The following FHL2 variants were observed in gnomAD, a reference collection of about 807,000 sequenced individuals.
FHL2 encodes the protein four and a half LIM domains protein 2.
FHL2 carries 20 observed loss-of-function variants against 32.7 expected under a neutral mutation model. The observed-to-expected ratio is 0.61, with a 90% CI of 0.43 to 0.89. The LOEUF (loss-of-function observed/expected upper bound fraction) is 0.89, where lower values mean the gene tolerates loss of function less well. FHL2 is among the 40% of genes least tolerant of loss of function. The probability of loss-of-function intolerance (pLI) is 0.00; values close to 1 mark genes in which losing one functional copy is unlikely to be tolerated. For synonymous variants in FHL2, 123 were observed against 128.1 expected, an observed-to-expected ratio of 0.96 and a Z score of 0.27; for missense variants, 311 against 358.6, an observed-to-expected ratio of 0.87 and a Z score of 1.07.
At chr2:105,364,883 T>C (rs1372153305) in intron 5 of FHL2, among the ~76,000 whole-genome samples, 1 of 152,236 alleles carries the variant, frequency 6.6e-6, no homozygotes, top group Non-Finnish European at 1.5e-5. Context: ...ACTAGAATTC[T>C]GGACTCCCTT....
At chr2:105,416,063 A>G (rs947405757) in intron 1 of FHL2, among the ~76,000 whole-genome samples, 74 of 152,058 alleles carry the variant, frequency 4.9e-4, no homozygotes, top group African/African-American at 1.7e-3. Flanking sequence ...AGCCCTATCT[A>G]CTCTTTAATA....
chr2:105,436,039 C>T (rs1324961470), intron 1 of FHL2, among the ~76,000 whole-genome samples: 1 of 151,948 alleles, frequency 6.6e-6, no homozygotes. Flanking sequence ...GATTTTTATT[C>T]CTCTTTTCTC....
chr2:105,399,355 G>A (rs1297173567), upstream of FHL2: 2 of 1,535,972 alleles, frequency 1.3e-6, no homozygotes, highest in Non-Finnish European at 1.7e-6. Flanking sequence ...GCAGGGGTCT[G>A]CCCACGCCGG....
At chr2:105,398,780 G>T (rs888531694) in intron 1 of FHL2, 62 bp downstream of exon 1, 3 of 1,236,870 alleles carry the variant, frequency 2.4e-6, no homozygotes, top group Admixed American at 3.3e-5. Flanking sequence ...GCTTCTCCCC[G>T]CACGGTTCGG....
chr2:105,373,379 T>C (rs887787223), intron 4 of FHL2, among the ~76,000 whole-genome samples, 180 bp downstream of exon 4: 2 of 152,208 alleles, frequency 1.3e-5, no homozygotes, highest in Non-Finnish European at 2.9e-5. Context: ...TTACTGCCCA[T>C]GATAGAACCT....
intron 2 of FHL2, among the ~76,000 whole-genome samples, chr2:105,391,645 C>T (rs1267322079): frequency 6.6e-6 from 1 of 152,066 alleles, no homozygotes; most frequent in Non-Finnish European, 1.5e-5. Context: ...GGAAGCCTGC[C>T]TTTACTATGC....
chr2:105,416,421 T>C (rs531220332), intron 1 of FHL2, among the ~76,000 whole-genome samples: 48 of 152,336 alleles, frequency 3.2e-4, no homozygotes. Context: ...AGAAATGTCG[T>C]TGGAAAAGAG....
intron 3 of FHL2, chr2:105,374,084 G>A (rs183827455): frequency 1.3e-4 from 41 of 315,302 alleles, no homozygotes; most frequent in East Asian, 9.6e-4. Context: ...CACCACATCC[G>A]GTGACAGAGA....
At chr2:105,378,136 G>T (rs1681610157) in intron 3 of FHL2, 2 of 471,092 alleles carry the variant, frequency 4.2e-6, no homozygotes, top group South Asian at 3.1e-5. Context: ...ACATGGAAAA[G>T]CTGGCTAAGA....
At chr2:105,437,206 C>A (rs909590358) in intron 1 of FHL2, among the ~76,000 whole-genome samples, 3 of 152,128 alleles carry the variant, frequency 2.0e-5, no homozygotes, top group Admixed American at 2.0e-4. Flanking sequence ...GAAAATGCCT[C>A]CAAAGTGTAA....
intron 3 of FHL2, among the ~76,000 whole-genome samples, chr2:105,382,498 C>T (rs534847003): frequency 8.5e-5 from 13 of 152,146 alleles, no homozygotes; most frequent in Admixed American, 7.2e-4. Flanking sequence ...TAGGCCTCAG[C>T]GGCTACTCCA....
intron 1 of FHL2, among the ~76,000 whole-genome samples, chr2:105,435,657 A>G (rs1684586338): frequency 6.6e-6 from 1 of 152,132 alleles, no homozygotes. Flanking sequence ...CACTGTCTTC[A>G]CTAAAAAAAC....
upstream of FHL2, among the ~76,000 whole-genome samples, chr2:105,401,466 A>G (rs190007754): frequency 1.0e-3 from 157 of 152,358 alleles, no homozygotes; most frequent in Non-Finnish European, 1.7e-3. Flanking sequence ...GAAAAATTCC[A>G]TAATGAAAAC....
At chr2:105,432,436 C>G (rs1226972103) in intron 1 of FHL2, among the ~76,000 whole-genome samples, 1 of 152,170 alleles carries the variant, frequency 6.6e-6, no homozygotes, top group African/African-American at 2.4e-5. Flanking sequence ...CATTGGTTCT[C>G]TATTCAATGT....
At chr2:105,399,670 G>A, upstream of FHL2, 1 of 1,472,958 alleles carries the variant, frequency 6.8e-7, no homozygotes, top group East Asian at 2.5e-5. Flanking sequence ...ACCAAAGTGA[G>A]CTGGGAGCGT....
rs536878955 is a variant in FHL2 at position 105,381,221 on chromosome 2, T to C, written c.156+5140A>G. Among the ~76,000 whole-genome samples the C allele has an allele frequency of 3.3e-5, 5 of 152,282 alleles. No individual in the cohort carries two copies. In the South Asian group the frequency reaches 8.3e-4, roughly 25 times the overall value. Reference sequence around the variant, plus strand: ...TCATGCTCAGCGTTATGAAAAGATATTTTCTGCTTGAGATCATCAGGTTTC... The same window carrying C: ...TCATGCTCAGCGTTATGAAAAGATACTTTCTGCTTGAGATCATCAGGTTTC... On this transcript the variant is annotated intron_variant, in intron 3 of 6. Transcript: ENST00000530340.
upstream of FHL2, chr2:105,399,196 C>T (rs1382701733): frequency 7.0e-7 from 1 of 1,436,782 alleles, no homozygotes; most frequent in East Asian, 2.9e-5. Flanking sequence ...GCCCCCGCCC[C>T]GGGCTGCGGC....
At chr2:105,391,554 G>T (rs1404542116) in intron 2 of FHL2, among the ~76,000 whole-genome samples, 1 of 152,116 alleles carries the variant, frequency 6.6e-6, no homozygotes, top group African/African-American at 2.4e-5. Context: ...AGGCAATGAG[G>T]GCCTGGATGC....
intron 1 of FHL2, among the ~76,000 whole-genome samples, chr2:105,423,219 C>T (rs1684158275): frequency 6.6e-6 from 1 of 152,148 alleles, no homozygotes; most frequent in Admixed American, 6.5e-5. Flanking sequence ...GCAATAATGT[C>T]TCCAAAAAAT....
Sources: allele counts gnomAD v4.1 joint callset (sites outside exome capture counted in the v4.1 genomes callset), GRCh38; gene constraint gnomAD v4.1.1; transcripts MANE v1.5; gene names NCBI Gene and HGNC (gene_info 2026-07-23, HGNC 2026-07-21).